NEBL: variants seen among roughly 807,000 people sequenced by gnomAD.
The protein encoded by NEBL is LIM and SH3 protein 2.
In NEBL, 122 loss-of-function variants were observed where a neutral mutation model predicts 140.2. The ratio of observed to expected loss-of-function variants is 0.87; its 90% CI spans 0.75 to 1.01. The LOEUF is 1.01. Among genes scored for constraint, NEBL ranks in the 50% least tolerant of loss-of-function variants. NEBL has a pLI of 0.00. For synonymous variants in NEBL, 436 were observed against 398.9 expected (o/e 1.09, Z -1.11); for missense variants, 1,365 against 1,231.3 (o/e 1.11, Z -1.62).
intron 4 of NEBL, among the ~76,000 whole-genome samples, chr10:20,923,256 T>C (rs986048455): frequency 1.3e-5 from 2 of 152,006 alleles, no homozygotes; most frequent in Admixed American, 1.3e-4. Flanking sequence ...CTTGTAGAGA[T>C]GAGGTTTTGC....
chr10:21,162,138 T>C (rs1840582830), intron 2 of NEBL, among the ~76,000 whole-genome samples: 1 of 152,170 alleles, frequency 6.6e-6, no homozygotes, highest in Admixed American at 6.5e-5. Flanking sequence ...TGGAGATCCC[T>C]GGTTGATGAT....
chr10:20,968,208 C>T (rs1836411540), intron 3 of NEBL, among the ~76,000 whole-genome samples: 1 of 151,910 alleles, frequency 6.6e-6, no homozygotes, highest in Non-Finnish European at 1.5e-5. Flanking sequence ...TAAAGGGATT[C>T]CAAATATGGA....
Position 21,094,073 on chromosome 10 carries a change from C to T in NEBL, c.165-73872G>A, listed in dbSNP as rs148628803. ...GGGTCCTTAAGAGTCTAAAAAAGAC[C>T]GGGCTGGGTGTGGTAGCTCACGCTT... is the stretch of plus-strand genomic sequence containing the variant. On this transcript the variant is annotated intron_variant, in intron 2 of 6. Coordinates refer to the NEBL transcript ENST00000417816. 1.2e-3 allele frequency among the ~76,000 whole-genome samples: 181 copies of T among 152,212 alleles called. 1 individual carries two copies. The highest frequency in any genetic ancestry group is 4.2e-3 in the African/African-American group (174 of 41,526).
In NEBL at chr10:21,232,502, G is replaced by A. The variant is rs112115665; in HGVS notation, n.348+15419C>T. Among the ~76,000 whole-genome samples the A allele has an allele frequency of 3.0e-3, 457 of 152,322 alleles. 1 individual carries two copies. Among genetic ancestry groups the A allele is most frequent in the African/African-American group, 9.6e-3 (401 of 41,582 alleles). ...AATGTACAATCAGTGGGAGCCCTGA[G>A]GTTGTTTTCCTGCAACTAGACAGTC... is the stretch of plus-strand genomic sequence containing the variant. On this transcript the variant is annotated intron_variant and non_coding_transcript_variant, in intron 3 of 8. Transcript: ENST00000675702.
intron 3 of NEBL, among the ~76,000 whole-genome samples, chr10:20,999,284 A>G (rs558943339): frequency 6.6e-6 from 1 of 152,090 alleles, no homozygotes; most frequent in Non-Finnish European, 1.5e-5. Flanking sequence ...GTGATGCTAT[A>G]TTCTCCCAGC....
chr10:21,039,041 T>C (rs1228041139), intron 2 of NEBL, among the ~76,000 whole-genome samples: 5 of 149,796 alleles, frequency 3.3e-5, no homozygotes, highest in African/African-American at 1.2e-4. Context: ...ATAGCCTTCG[T>C]CCACTTTTTG....
intron 4 of NEBL, among the ~76,000 whole-genome samples, chr10:20,939,567 CA>C (rs1834724441): frequency 6.6e-6 from 1 of 152,174 alleles, no homozygotes; most frequent in South Asian, 2.1e-4. Flanking sequence ...ATGACAGGAT[CA>C]AATTCACACA....
chr10:20,864,311 T>C (rs1428747175), intron 7 of NEBL, among the ~76,000 whole-genome samples: 2 of 152,196 alleles, frequency 1.3e-5, no homozygotes, highest in African/African-American at 4.8e-5. Context: ...TAGGAGATTT[T>C]TGTTTTAGTT....
chr10:20,923,666 CAAAAAAAA>C (rs71390799), intron 4 of NEBL, among the ~76,000 whole-genome samples: 51 of 28,368 alleles, frequency 1.8e-3, no homozygotes, highest in East Asian at 5.8e-3. Context: ...GACTCCGTCT[CAAAAAAAA>C]AAAAAAAAAA....
intron 2 of NEBL, among the ~76,000 whole-genome samples, chr10:21,128,251 C>T (rs139099292): frequency 1.3e-5 from 2 of 152,280 alleles, no homozygotes; most frequent in East Asian, 3.9e-4. Context: ...AGACCATAGA[C>T]ATTTTCTTCC....
intron 2 of NEBL, among the ~76,000 whole-genome samples, chr10:21,097,992 C>G (rs1479439295): frequency 6.6e-6 from 1 of 152,186 alleles, no homozygotes; most frequent in Non-Finnish European, 1.5e-5. Context: ...TAATAATCTC[C>G]TTTTGAATCT....
chr10:21,069,750 C>A (rs1835730347), intron 2 of NEBL, among the ~76,000 whole-genome samples: 1 of 152,172 alleles, frequency 6.6e-6, no homozygotes, highest in South Asian at 2.1e-4. Flanking sequence ...CTGTTTCTAA[C>A]CTTCTATAGA....
At chr10:21,038,082 T>A (rs1420770202) in intron 2 of NEBL, among the ~76,000 whole-genome samples, 5 of 152,194 alleles carry the variant, frequency 3.3e-5, no homozygotes, top group Admixed American at 6.5e-5. Flanking sequence ...CATCTTCTTA[T>A]CAGCAAAACT....
intron 5 of NEBL, among the ~76,000 whole-genome samples, chr10:20,873,332 A>G (rs529501498): frequency 3.9e-5 from 6 of 152,136 alleles, no homozygotes; most frequent in Non-Finnish European, 5.9e-5. Context: ...CTTGTTTTGC[A>G]TAAGGACAGG....
Position 20,812,905 on chromosome 10 carries a change from C to A in NEBL, c.2382G>T (p.Gly794=). The change falls in exon 24 of 28, where the codon GGG becomes GGT. Residue 794 remains glycine (G), a synonymous_variant. Coordinates refer to ENST00000377122, the MANE Select transcript of NEBL (RefSeq NM_006393.3). ...CGTCCACGACGGGAGTAAAGCCTCT[C>A]CCCTTTGTTTTTTCAAAATCTTCAT... is the stretch of plus-strand genomic sequence containing the variant. ...KYHEDFEKTK[G]RGFTPVVDDP... is the part of the protein sequence containing the mutation. The A allele has an allele frequency of 6.2e-7, 1 of 1,613,932 alleles. No individual in the cohort carries two copies. The highest frequency in any genetic ancestry group is 1.1e-5 in the South Asian group (1 of 91,080).
At chr10:20,843,710 A>G (rs1841601434) in intron 12 of NEBL, among the ~76,000 whole-genome samples, 1 of 152,080 alleles carries the variant, frequency 6.6e-6, no homozygotes, top group Admixed American at 6.6e-5. Context: ...GTTGACACAT[A>G]ATTGTACATA....
intron 7 of NEBL, among the ~76,000 whole-genome samples, chr10:20,865,011 G>GA (rs1198352258): frequency 1.3e-5 from 2 of 152,058 alleles, no homozygotes; most frequent in African/African-American, 4.8e-5. Flanking sequence ...GAGATTGAAG[G>GA]AAAAAAATCT....
At chr10:21,161,677 T>C (rs375300198) in intron 2 of NEBL, among the ~76,000 whole-genome samples, 2 of 152,098 alleles carry the variant, frequency 1.3e-5, no homozygotes, top group East Asian at 1.9e-4. Flanking sequence ...CCCCAACTTC[T>C]ATTGACTGAC....
chr10:21,091,475 C>T (rs1003445858), intron 2 of NEBL, among the ~76,000 whole-genome samples: 2 of 152,084 alleles, frequency 1.3e-5, no homozygotes, highest in African/African-American at 2.4e-5. Flanking sequence ...ACAAAATACA[C>T]TGTTAACACA....
Sources: allele counts gnomAD v4.1 joint callset (sites outside exome capture counted in the v4.1 genomes callset), GRCh38; gene constraint gnomAD v4.1.1; transcripts MANE v1.5; gene names NCBI Gene and HGNC (gene_info 2026-07-23, HGNC 2026-07-21).